CHST8: variants seen among roughly 807,000 people sequenced by gnomAD.
CHST8 encodes the protein carbohydrate sulfotransferase 8, also known as GALNAC-4-ST1.
Under a neutral mutation model 15.0 loss-of-function variants are expected in CHST8, and 10 were observed. That is an observed-to-expected ratio of 0.67 (90% CI 0.41 to 1.13). The LOEUF (loss-of-function observed/expected upper bound fraction) is 1.13. Ranked by LOEUF, CHST8 falls within the 50% of genes most tolerant of loss-of-function variation. The probability of loss-of-function intolerance (pLI) is 0.00; values close to 1 mark genes in which losing one functional copy is unlikely to be tolerated. For synonymous variants in CHST8, 259 were observed against 256.6 expected, an observed-to-expected ratio of 1.01 and a Z score of -0.09; for missense variants, 634 against 608.2, an observed-to-expected ratio of 1.04 and a Z score of -0.45.
At chr19:33,764,306 G>A (rs768852422) in intron 3 of CHST8, among the ~76,000 whole-genome samples, 1 of 151,990 alleles carries the variant, frequency 6.6e-6, no homozygotes, top group South Asian at 2.1e-4. Context: ...CAGACGAGCT[G>A]TTTCTTCACC....
intron 3 of CHST8, among the ~76,000 whole-genome samples, chr19:33,757,392 AAG>A (rs1389302707): frequency 2.1e-4 from 1 of 4,838 alleles, no homozygotes; most frequent in South Asian, 7.6e-3. Flanking sequence ...AAAAAGAAGA[AAG>A]AAAGAAAGAA....
At chr19:33,712,489 A>T (rs2145295717) in intron 3 of CHST8, among the ~76,000 whole-genome samples, 1 of 152,160 alleles carries the variant, frequency 6.6e-6, no homozygotes, top group East Asian at 1.9e-4. Context: ...GCGGGCAGGG[A>T]GTGAAACCTG....
chr19:33,670,531 C>T (rs985600975), intron 2 of CHST8, among the ~76,000 whole-genome samples: 8 of 152,226 alleles, frequency 5.3e-5, no homozygotes, highest in Admixed American at 4.6e-4. Context: ...CCAGGGCCAG[C>T]GCTGGCTGCA....
At chr19:33,720,105 A>G (rs957214362) in intron 3 of CHST8, among the ~76,000 whole-genome samples, 4 of 152,146 alleles carry the variant, frequency 2.6e-5, no homozygotes, top group Non-Finnish European at 5.9e-5. Context: ...CTCTATGCCC[A>G]GAAACTCCCA....
chr19:33,627,113 T>A (rs111738138), intron 1 of CHST8, among the ~76,000 whole-genome samples: 15 of 51,094 alleles, frequency 2.9e-4, no homozygotes, highest in Non-Finnish European at 4.4e-4. Flanking sequence ...GGGGGGCGGG[T>A]GGGGTGACGG....
At chr19:33,644,610 G>C (rs1972326895) in intron 1 of CHST8, among the ~76,000 whole-genome samples, 1 of 152,032 alleles carries the variant, frequency 6.6e-6, no homozygotes, top group South Asian at 2.1e-4. Context: ...GCATGGTGGT[G>C]TGCACTTGTA....
rs1333465765 is a variant in CHST8 at position 33,689,399 on chromosome 19, CT to C, written c.130+10del. ...CCCCCCAGCAGGTGCCAGGTGAGTCCTTGCGCTGAGTCCTGCCATCACTGCC... is the reference window on the plus strand; with the variant it reads ...CCCCCCAGCAGGTGCCAGGTGAGTCCTGCGCTGAGTCCTGCCATCACTGCC... On this transcript the variant is annotated intron_variant, in intron 3 of 4. Transcript: ENST00000650847. The C allele has an allele frequency of 3.2e-6, 5 of 1,578,142 alleles. No homozygotes were observed. The Admixed American group carries it at 8.9e-5, about 28-fold the overall frequency.
intron 3 of CHST8, among the ~76,000 whole-genome samples, chr19:33,694,823 T>C (rs759418169): frequency 7.2e-5 from 11 of 152,162 alleles, no homozygotes; most frequent in Non-Finnish European, 1.3e-4. Context: ...TCAGGCGATC[T>C]ACCTGCCTTG....
In CHST8 at chr19:33,740,599, G is replaced by A. The variant is rs963823650; in HGVS notation, c.131-30814G>A. On this transcript the variant is annotated intron_variant, in intron 3 of 4. Transcript: ENST00000650847. The stretch of plus-strand genomic sequence containing the variant: ...TACCACTGTGTTGAAACTGCAGCAC[G>A]AAGTTTCTCTGCCTCTTCTTTCTCT... 7.9e-5 allele frequency among the ~76,000 whole-genome samples: 12 copies of A among 152,332 alleles called. No individual in the cohort carries two copies. The South Asian group carries it at 8.3e-4, about 11-fold the overall frequency.
chr19:33,699,786 G>A (rs763267035), intron 3 of CHST8, among the ~76,000 whole-genome samples: 5 of 152,102 alleles, frequency 3.3e-5, no homozygotes, highest in Non-Finnish European at 4.4e-5. Context: ...GTGCCTGTTC[G>A]GAGGACCAAA....
chr19:33,651,346 A>G (rs1229974905), intron 1 of CHST8, among the ~76,000 whole-genome samples: 1 of 149,876 alleles, frequency 6.7e-6, no homozygotes, highest in African/African-American at 2.5e-5. Flanking sequence ...TCATGATTGT[A>G]TCTATGGGAT....
intron 3 of CHST8, among the ~76,000 whole-genome samples, chr19:33,753,039 G>T (rs532427295): frequency 6.6e-6 from 1 of 152,132 alleles, no homozygotes; most frequent in Non-Finnish European, 1.5e-5. Context: ...CTGCAGCCAG[G>T]GGGGTGCACT....
intron 3 of CHST8, among the ~76,000 whole-genome samples, chr19:33,765,537 G>A (rs1159726757): frequency 6.2e-5 from 8 of 128,124 alleles, no homozygotes; most frequent in Non-Finnish European, 1.2e-4. Context: ...GTGTGTGTGT[G>A]TGTGTGTGTG....
At chr19:33,636,186 A>G (rs1972197728) in intron 1 of CHST8, among the ~76,000 whole-genome samples, 1 of 151,950 alleles carries the variant, frequency 6.6e-6, no homozygotes, top group Non-Finnish European at 1.5e-5. Flanking sequence ...TTACGAGTCG[A>G]TGCTAATTTG....
rs117428012 is a variant in CHST8, at chr19:33,693,418, C to A, written c.130+4027C>A. Among the ~76,000 whole-genome samples the A allele has an allele frequency of 5.0e-3, 767 of 152,326 alleles. 3 individuals carry two copies. The highest frequency in any genetic ancestry group is 9.1e-3 in the Non-Finnish European group (622 of 68,020). ...ATCAAATTTAATGATTCCTCAATAG[C>A]ATCAAATAGTCAGTCAGTGTGCAAA... On this transcript the variant is annotated intron_variant, in intron 3 of 4. Transcript: ENST00000650847.
chr19:33,765,462 C>T (rs1443990350), intron 3 of CHST8, among the ~76,000 whole-genome samples: 2 of 150,792 alleles, frequency 1.3e-5, no homozygotes, highest in Non-Finnish European at 2.9e-5. Flanking sequence ...TAATTATATA[C>T]GTCACCTTGC....
At chr19:33,674,457 A>G (rs1410923618) in intron 2 of CHST8, among the ~76,000 whole-genome samples, 1 of 152,164 alleles carries the variant, frequency 6.6e-6, no homozygotes, top group East Asian at 1.9e-4. Flanking sequence ...TTATTTGCAT[A>G]TGGCTTTTAC....
At position 33,686,811 on chromosome 19, in the gene CHST8, G is replaced by A. The variant is rs183314644; in HGVS notation, c.-86-2365G>A. ...AGCTGGGGCCTTGCTGGGGACCATC[G>A]ATGGTATGTGTGCAGGCACTGGCCG... On this transcript the variant is annotated intron_variant, in intron 2 of 4. Coordinates refer to ENST00000650847, the MANE Select transcript of CHST8 (RefSeq NM_001127895.2). Among the ~76,000 whole-genome samples the A allele has an allele frequency of 2.1e-3, 319 of 152,310 alleles. 1 individual carries two copies. Among genetic ancestry groups the A allele is most frequent in the African/African-American group, 7.4e-3 (309 of 41,588 alleles).
intron 1 of CHST8, among the ~76,000 whole-genome samples, chr19:33,637,859 GA>G (rs566331956): frequency 0.055 from 4,115 of 75,308 alleles, 72 homozygotes; most frequent in East Asian, 0.089. Context: ...TATCTCTTAA[GA>G]AAAAAAAAAA....
Sources: allele counts gnomAD v4.1 joint callset (sites outside exome capture counted in the v4.1 genomes callset), GRCh38; gene constraint gnomAD v4.1.1; transcripts MANE v1.5; gene names NCBI Gene and HGNC (gene_info 2026-07-23, HGNC 2026-07-21).